The following KCTD8 variants were observed in gnomAD, a reference collection of about 807,000 sequenced individuals.
The protein encoded by KCTD8 is BTB/POZ domain-containing protein KCTD8.
A neutral mutation model predicts 31.5 loss-of-function variants in KCTD8; 27 were observed. The observed-to-expected ratio is 0.86, with a 90% CI of 0.63 to 1.18. The LOEUF (loss-of-function observed/expected upper bound fraction) is 1.18, where lower values mean the gene tolerates loss of function less well. Among genes scored for constraint, KCTD8 ranks in the 50% most tolerant of loss-of-function variants. The pLI is 0.00. For missense variants in KCTD8, 658 were observed against 647.7 expected, an observed-to-expected ratio of 1.02 and a Z score of -0.17; for synonymous variants, 290 against 280.0, an observed-to-expected ratio of 1.04 and a Z score of -0.36.
intron 1 of KCTD8, among the ~76,000 whole-genome samples, chr4:44,282,937 G>A (rs1716939761): frequency 1.3e-5 from 2 of 151,898 alleles, no homozygotes. Flanking sequence ...CCAAAGTGAG[G>A]CAGCAAATGC....
intron 1 of KCTD8, among the ~76,000 whole-genome samples, chr4:44,422,683 G>T (rs1721244180): frequency 6.6e-6 from 1 of 152,070 alleles, no homozygotes; most frequent in Non-Finnish European, 1.5e-5. Flanking sequence ...AGAGGAGTTT[G>T]GGGATAGGGC....
intron 1 of KCTD8, among the ~76,000 whole-genome samples, chr4:44,432,153 A>C (rs1344637703): frequency 6.6e-6 from 1 of 151,304 alleles, no homozygotes; most frequent in East Asian, 1.9e-4. Context: ...GATATTATTT[A>C]TTAGCTCTTA....
intron 1 of KCTD8, among the ~76,000 whole-genome samples, chr4:44,314,336 T>C (rs1160335584): frequency 6.6e-6 from 1 of 152,172 alleles, no homozygotes. Context: ...GGTAGTTAGA[T>C]ATATTAGGCT....
At chr4:44,285,046 T>C (rs1165634344) in intron 1 of KCTD8, among the ~76,000 whole-genome samples, 1 of 152,150 alleles carries the variant, frequency 6.6e-6, no homozygotes, top group Non-Finnish European at 1.5e-5. Flanking sequence ...AGTTCAACCA[T>C]TGTGGAAGAC....
intron 1 of KCTD8, among the ~76,000 whole-genome samples, chr4:44,407,159 A>C (rs1009062161): frequency 6.6e-6 from 1 of 152,092 alleles, no homozygotes; most frequent in Admixed American, 6.5e-5. Context: ...TGATTCTTCC[A>C]ATTATTTAAA....
intron 1 of KCTD8, among the ~76,000 whole-genome samples, chr4:44,212,136 T>C (rs1040028419): frequency 1.3e-4 from 20 of 152,174 alleles, no homozygotes; most frequent in Non-Finnish European, 2.6e-4. Context: ...ATAGAACAGT[T>C]CTTGTATCCT....
intron 1 of KCTD8, among the ~76,000 whole-genome samples, chr4:44,271,428 T>C (rs572831999): frequency 6.6e-6 from 1 of 152,156 alleles, no homozygotes; most frequent in Non-Finnish European, 1.5e-5. Context: ...CTCAGACTTC[T>C]AGTGTTCAAA....
chr4:44,348,159 C>G (rs770064102), intron 1 of KCTD8, among the ~76,000 whole-genome samples: 1 of 152,116 alleles, frequency 6.6e-6, no homozygotes, highest in Non-Finnish European at 1.5e-5. Flanking sequence ...GAACATGCAA[C>G]TTTGCACGGT....
At position 44,430,938 on chromosome 4, in the gene KCTD8, T is replaced by C. The variant is rs558108233; in HGVS notation, c.961+16625A>G. Among the ~76,000 whole-genome samples the C allele has an allele frequency of 2.6e-5, 4 of 151,550 alleles. No individual in the cohort carries two copies. In the South Asian group the frequency reaches 6.2e-4, roughly 24 times the overall value. On this transcript the variant is annotated intron_variant, in intron 1 of 1. Transcript: ENST00000360029. ...TTTCTTTTTTTTTTCTTGTCATCCATTGCAGACTCTACGATTAATTACACA... is the reference window on the plus strand; with the variant it reads ...TTTCTTTTTTTTTTCTTGTCATCCACTGCAGACTCTACGATTAATTACACA...
intron 1 of KCTD8, among the ~76,000 whole-genome samples, chr4:44,245,835 T>C (rs565721646): frequency 6.6e-6 from 1 of 152,076 alleles, no homozygotes; most frequent in East Asian, 1.9e-4. Flanking sequence ...CTAAGATTCC[T>C]CCAGACAGAT....
At chr4:44,357,826 C>A (rs533279683) in intron 1 of KCTD8, among the ~76,000 whole-genome samples, 1 of 151,754 alleles carries the variant, frequency 6.6e-6, no homozygotes, top group African/African-American at 2.4e-5. Flanking sequence ...TAAAAGGAAA[C>A]ATGAACATTA....
Position 44,200,329 on chromosome 4 carries a change from C to A in KCTD8, c.962-25079G>T, listed in dbSNP as rs190486728. 9.8e-3 allele frequency among the ~76,000 whole-genome samples: 1,479 copies of A among 151,468 alleles called. 12 individuals are homozygous for A. Among genetic ancestry groups the A allele is most frequent in the Non-Finnish European group, 0.015 (1,040 of 67,724 alleles). ...TTCTATGAAGCCAGTATCATCCTGA[C>A]ATGAAAATCTGGCAGACACAATGAA... On this transcript the variant is annotated intron_variant, in intron 1 of 1. Transcript: ENST00000360029.
chr4:44,431,440 A>T (rs1721503250), intron 1 of KCTD8, among the ~76,000 whole-genome samples: 1 of 151,534 alleles, frequency 6.6e-6, no homozygotes, highest in Admixed American at 6.6e-5. Context: ...TAAGCTAAGG[A>T]TGATATCTAT....
intron 1 of KCTD8, among the ~76,000 whole-genome samples, chr4:44,183,054 A>G (rs1713475286): frequency 6.6e-6 from 1 of 152,214 alleles, no homozygotes; most frequent in African/African-American, 2.4e-5. Context: ...GAGAGTACTG[A>G]TTGGATAATT....
intron 1 of KCTD8, among the ~76,000 whole-genome samples, chr4:44,313,469 T>C (rs1718014237): frequency 1.3e-5 from 2 of 152,214 alleles, no homozygotes; most frequent in African/African-American, 2.4e-5. Flanking sequence ...ATTTTATTTA[T>C]TTTGAGGCAA....
intron 1 of KCTD8, among the ~76,000 whole-genome samples, chr4:44,278,942 C>T (rs949222894): frequency 1.3e-5 from 2 of 151,976 alleles, no homozygotes; most frequent in Non-Finnish European, 1.5e-5. Flanking sequence ...ATTTCTTGCA[C>T]TCTTAAATTG....
intron 1 of KCTD8, among the ~76,000 whole-genome samples, chr4:44,390,749 T>A (rs1019701321): frequency 1.3e-5 from 2 of 151,874 alleles, no homozygotes; most frequent in African/African-American, 4.8e-5. Context: ...GTTGGCATGG[T>A]GAAAAGGAGT....
chr4:44,324,739 T>G (rs1718399548), intron 1 of KCTD8, among the ~76,000 whole-genome samples: 1 of 152,042 alleles, frequency 6.6e-6, no homozygotes, highest in Admixed American at 6.6e-5. Flanking sequence ...TGGCTTCCCC[T>G]TGGAGACTTT....
At chr4:44,408,897 G>C (rs1174089547) in intron 1 of KCTD8, among the ~76,000 whole-genome samples, 4 of 151,960 alleles carry the variant, frequency 2.6e-5, no homozygotes, top group Admixed American at 2.0e-4. Context: ...GATTACAGGT[G>C]TGAGCCACTG....
Sources: gnomAD v4.1 joint callset for allele counts (sites outside exome capture counted in the v4.1 genomes callset) on GRCh38, gnomAD v4.1.1 for gene constraint, MANE v1.5 for transcripts, NCBI Gene and HGNC (gene_info 2026-07-23, HGNC 2026-07-21) for gene names.